The following FANCA variants were observed in gnomAD, a reference collection of about 807,000 sequenced individuals.
FANCA encodes the protein FA complementation group A, also known as Fanconi anemia group A protein.
In FANCA, 236 loss-of-function variants were observed where a neutral mutation model predicts 194.3. The observed-to-expected ratio is 1.21, with a 90% confidence interval of 1.09 to 1.35. The LOEUF (loss-of-function observed/expected upper bound fraction) is 1.35. Among genes scored for constraint, FANCA ranks in the 40% most tolerant of loss-of-function variants. FANCA has a pLI of 0.00. For missense variants in FANCA, 2,628 were observed against 1,813.9 expected (o/e 1.45, Z -8.15); for synonymous variants, 1,014 against 715.8 (o/e 1.42, Z -6.65).
intron 37 of FANCA, among the ~76,000 whole-genome samples, chr16:89,742,084 G>C (rs1349076885): frequency 1.3e-5 from 2 of 152,036 alleles, no homozygotes; most frequent in African/African-American, 4.8e-5. Flanking sequence ...TCCTGCCTCA[G>C]CCTCCTGAGT....
intron 30 of FANCA, 105 bp downstream of exon 30, chr16:89,758,472 C>A: frequency 7.0e-7 from 1 of 1,425,338 alleles, no homozygotes; most frequent in East Asian, 2.3e-5. Context: ...GCAGACCCAC[C>A]CTAAGCTAAT....
At chr16:89,776,999 GC>G (rs1361226695) in intron 20 of FANCA, among the ~76,000 whole-genome samples, 2 of 151,768 alleles carry the variant, frequency 1.3e-5, no homozygotes, top group Non-Finnish European at 2.9e-5. Flanking sequence ...ATTATTTGAG[GC>G]CAAGAGAGAG....
At position 89,748,741 on chromosome 16, in the gene FANCA, A is replaced by C. The variant is rs2038476999; in HGVS notation, c.3266T>G (p.Val1089Gly). 2.5e-6 allele frequency: 4 copies of C among 1,614,062 alleles called. No homozygotes were observed. The highest frequency in any genetic ancestry group is 3.4e-6 in the Non-Finnish European group (4 of 1,180,024). ...KRILLRLPSS[V>G]LCGSSFQAEQ... is the part of the protein sequence containing the mutation. ...TGCCTGGAAGCTGCTGCCGCAGAGG[A>C]CAGACGAAGGCAGGCGGAGGAGGAT... The change falls in exon 33 of 43, where the codon GTC becomes GGC. Residue 1089 changes from valine to glycine, a missense_variant. Transcript: ENST00000389301.
intron 29 of FANCA, among the ~76,000 whole-genome samples, chr16:89,761,671 C>T (rs2038959140): frequency 6.6e-6 from 1 of 152,154 alleles, no homozygotes; most frequent in South Asian, 2.1e-4. Flanking sequence ...GTTGCACAGG[C>T]TAAAGTGCAG....
chr16:89,768,848 C>G (rs2039219213), intron 26 of FANCA, among the ~76,000 whole-genome samples: 1 of 152,160 alleles, frequency 6.6e-6, no homozygotes, highest in Non-Finnish European at 1.5e-5. Flanking sequence ...CCCAAGCCAC[C>G]TGGATGCCTC....
intron 17 of FANCA, among the ~76,000 whole-genome samples, chr16:89,781,568 G>A (rs574610561): frequency 2.0e-5 from 3 of 149,748 alleles, no homozygotes; most frequent in South Asian, 2.1e-4. Context: ...CTGAGCTACT[G>A]GAGAGGCTGA....
rs1412649908 is a variant in FANCA, at chr16:89,795,963, T to A, written c.949A>T (p.Lys317Ter). 1 of 1,614,148 alleles carries A rather than the reference T, an allele frequency of 6.2e-7. No individual in the cohort carries two copies. The highest frequency in any genetic ancestry group is 8.5e-7 in the Non-Finnish European group (1 of 1,180,010). The change falls in exon 11 of 43, where the codon AAG becomes TAG. Residue 317 changes from lysine to a stop codon, truncating the protein, a stop_gained. Transcript: ENST00000389301. LOFTEE classifies it high-confidence loss of function. ...GTCAGGGTATGACTGAAGAACCTCTTCAGAGGATCTGTGGAAATTACACTG... is the reference window on the plus strand; with the variant it reads ...GTCAGGGTATGACTGAAGAACCTCTACAGAGGATCTGTGGAAATTACACTG... ...LGSVISTDPL[K>*]RFFSHTLTQI...
chr16:89,738,041 A>G lies in FANCA; in HGVS notation c.*560T>C, dbSNP rs2062006608. The G allele has an allele frequency of 6.2e-7, 1 of 1,614,010 alleles. No individual in the cohort carries two copies. Among genetic ancestry groups the G allele is most frequent in the Non-Finnish European group, 8.5e-7 (1 of 1,180,052 alleles). ...CTCAAGTACCACATGACCAAACACA[A>G]GGCTGAGACTGAGCTGGACTTTGCC... is the stretch of plus-strand genomic sequence containing the variant. On this transcript the variant is annotated 3_prime_UTR_variant, in exon 43 of 43. Coordinates refer to ENST00000389301, the MANE Select transcript of FANCA (RefSeq NM_000135.4).
At chr16:89,805,964 G>C (rs2040625419) in intron 6 of FANCA, among the ~76,000 whole-genome samples, 1 of 151,712 alleles carries the variant, frequency 6.6e-6, no homozygotes, top group East Asian at 1.9e-4. Context: ...CCAGGCTGGA[G>C]TGCAATGGCA....
chr16:89,742,951 G>A lies in FANCA; in HGVS notation c.3627-13C>T, dbSNP rs1303256798. 7 of 1,613,278 alleles carry A rather than the reference G, an allele frequency of 4.3e-6. No individual in the cohort carries two copies. In the Admixed American group the frequency reaches 1.0e-4, roughly 23 times the overall value. On this transcript the variant is annotated splice_polypyrimidine_tract_variant and intron_variant, in intron 36 of 42. Transcript: ENST00000389301. Reference sequence around the variant, plus strand: ...AGGGGAGAGGAAACTGGGACAGAGAGAACGGGGTCATTGCAGGGCCTTACA... The same window carrying A: ...AGGGGAGAGGAAACTGGGACAGAGAAAACGGGGTCATTGCAGGGCCTTACA...
At chr16:89,752,868 C>T (rs997790315) in intron 30 of FANCA, among the ~76,000 whole-genome samples, 2 of 152,130 alleles carry the variant, frequency 1.3e-5, no homozygotes, top group African/African-American at 4.8e-5. Flanking sequence ...CACTACTTAG[C>T]AGACCGGGAA....
intron 37 of FANCA, among the ~76,000 whole-genome samples, chr16:89,742,025 G>A (rs2143042470): frequency 6.6e-6 from 1 of 152,090 alleles, no homozygotes; most frequent in East Asian, 1.9e-4. Flanking sequence ...CAGGGCAGTG[G>A]CGTGATCTTG....
intron 5 of FANCA, among the ~76,000 whole-genome samples, chr16:89,808,896 C>T (rs1222724051): frequency 6.6e-6 from 1 of 151,936 alleles, no homozygotes; most frequent in Non-Finnish European, 1.5e-5. Context: ...TCTCATCCCC[C>T]TAACTCACAC....
chr16:89,756,497 T>C (rs1018536737), intron 30 of FANCA, among the ~76,000 whole-genome samples: 1 of 152,132 alleles, frequency 6.6e-6, no homozygotes, highest in Non-Finnish European at 1.5e-5. Context: ...GGTATGGTGG[T>C]GCCTGTGGTC....
At chr16:89,758,914 T>A (rs972305484) in intron 29 of FANCA, among the ~76,000 whole-genome samples, 2 of 151,662 alleles carry the variant, frequency 1.3e-5, no homozygotes, top group Non-Finnish European at 2.9e-5. Flanking sequence ...GTCTCAGGAG[T>A]GACCTTTGTG....
rs914493816 is a variant in FANCA, at chr16:89,810,990, C to G, written c.365G>C (p.Gly122Ala). ...CTCCGCTGGAGCCGTGCAGATCTGT[C>G]CCACGCTAGAGGCAACCATCCCGGC... is the stretch of plus-strand genomic sequence containing the variant. ...LSAGMVASSVGQICTAPAETS... is the reference protein window; with the variant it reads ...LSAGMVASSVAQICTAPAETS... Residue 122 changes from glycine (G) to alanine (A), a missense_variant, in exon 4 of 43, where the codon GGA becomes GCA. By Grantham distance (60) the Gly-to-Ala change is moderately conservative. Transcript: ENST00000389301. 1 of 1,613,922 alleles carries G rather than the reference C, an allele frequency of 6.2e-7. No homozygotes were observed. Among genetic ancestry groups the G allele is most frequent in the Non-Finnish European group, 8.5e-7 (1 of 1,180,028 alleles).
At chr16:89,802,649 C>T (rs1461554805) in intron 8 of FANCA, among the ~76,000 whole-genome samples, 1 of 151,718 alleles carries the variant, frequency 6.6e-6, no homozygotes, top group South Asian at 2.1e-4. Flanking sequence ...GTGATCCGCC[C>T]GCCTCGTCCT....
chr16:89,762,050 C>T (rs746647931), intron 28 of FANCA, 28 bp from the exon 29 acceptor site: 4 of 1,556,652 alleles, frequency 2.6e-6, no homozygotes, highest in South Asian at 2.2e-5. Context: ...CAATTCAATA[C>T]AATGAGGACA....
At position 89,749,869 on chromosome 16, in the gene FANCA, G is replaced by C; in HGVS notation, c.3100C>G (p.Leu1034Val). ...GGGGTGTGGCCGAGAGGCACTATGA[G>C]GTCTTGCTGCAGCTCCAGGTCAGCT... ...MVADLELQQD[L>V]IVPLGHTPSQ... The change falls in exon 32 of 43, where the codon CTC (leucine) becomes GTC (valine). Residue 1034 changes from leucine to valine, a missense_variant. Leu to Val is a conservative substitution (Grantham distance 32). Transcript: ENST00000389301. 6.2e-7 allele frequency: 1 copy of C among 1,614,196 alleles called. No individual in the cohort carries two copies. The highest frequency in any genetic ancestry group is 8.5e-7 in the Non-Finnish European group (1 of 1,180,034).
Sources: gnomAD v4.1 joint callset for allele counts (sites outside exome capture counted in the v4.1 genomes callset) on GRCh38, gnomAD v4.1.1 for gene constraint, MANE v1.5 for transcripts, NCBI Gene and HGNC (gene_info 2026-07-23, HGNC 2026-07-21) for gene names.